The following OPCML variants were observed in gnomAD, a reference collection of about 807,000 sequenced individuals.
OPCML encodes opioid binding protein/cell adhesion molecule like, also known as opioid-binding protein/cell adhesion molecule.
OPCML carries 13 observed loss-of-function variants against 37.8 expected under a neutral mutation model. That is an observed-to-expected ratio of 0.34 (90% CI 0.22 to 0.55). The LOEUF (loss-of-function observed/expected upper bound fraction) is 0.55, where lower values mean the gene tolerates loss of function less well. Ranked by LOEUF, OPCML falls within the 20% of genes least tolerant of loss-of-function variation. The probability of loss-of-function intolerance (pLI) is 0.91; values close to 1 mark genes in which losing one functional copy is unlikely to be tolerated. For missense variants in OPCML, 341 were observed against 435.6 expected, an observed-to-expected ratio of 0.78 and a Z score of 1.93; for synonymous variants, 176 against 168.8, an observed-to-expected ratio of 1.04 and a Z score of -0.33.
intron 4 of OPCML, among the ~76,000 whole-genome samples, chr11:132,480,556 A>T (rs1447998717): frequency 6.6e-6 from 1 of 152,230 alleles, no homozygotes; most frequent in African/African-American, 2.4e-5. Context: ...CAACTCCAAG[A>T]CACATAATTG....
At position 133,241,736 on chromosome 11, in the gene OPCML, C is replaced by T. The variant is rs12222403; in HGVS notation, c.61+290528G>A. Among the ~76,000 whole-genome samples, 77 of 152,324 alleles carry T rather than the reference C, an allele frequency of 5.1e-4. 2 individuals are homozygous for T. In the East Asian group the frequency reaches 0.014, roughly 27 times the overall value. On this transcript the variant is annotated intron_variant, in intron 1 of 7. Transcript: ENST00000524381. ...CAAGATCCGAAGGGAAGAGCATTTG[C>T]ACTCCCCGCCGCCATCAGGAACACA...
intron 1 of OPCML, among the ~76,000 whole-genome samples, chr11:133,214,973 T>G (rs1939522937): frequency 6.6e-6 from 1 of 152,148 alleles, no homozygotes; most frequent in Admixed American, 6.5e-5. Flanking sequence ...AACTCAAACT[T>G]CTATGACATT....
intron 4 of OPCML, among the ~76,000 whole-genome samples, chr11:132,455,140 G>C (rs1370034266): frequency 6.6e-6 from 1 of 152,192 alleles, no homozygotes; most frequent in Non-Finnish European, 1.5e-5. Flanking sequence ...ATTGCAAAAA[G>C]TTTCACAGAG....
intron 2 of OPCML, among the ~76,000 whole-genome samples, chr11:132,667,173 T>C (rs1041204667): frequency 6.6e-6 from 1 of 152,202 alleles, no homozygotes; most frequent in Non-Finnish European, 1.5e-5. Context: ...TCAAAGGGTT[T>C]TTGTTTTGCT....
intron 2 of OPCML, among the ~76,000 whole-genome samples, chr11:132,886,219 T>A (rs1407996485): frequency 2.0e-5 from 3 of 152,254 alleles, no homozygotes; most frequent in Non-Finnish European, 4.4e-5. Flanking sequence ...CTATTTTATT[T>A]TTTATTATAA....
At chr11:132,507,333 T>C (rs566085333) in intron 4 of OPCML, among the ~76,000 whole-genome samples, 4 of 152,002 alleles carry the variant, frequency 2.6e-5, no homozygotes, top group Non-Finnish European at 5.9e-5. Flanking sequence ...AACAGAATTC[T>C]CTCTCAGTCT....
At chr11:132,688,112 G>A (rs902223549) in intron 2 of OPCML, among the ~76,000 whole-genome samples, 1 of 151,648 alleles carries the variant, frequency 6.6e-6, no homozygotes, top group Non-Finnish European at 1.5e-5. Context: ...AGCCCTTTTT[G>A]GATAACAAAA....
At chr11:133,345,818 A>G (rs980635670) in intron 1 of OPCML, among the ~76,000 whole-genome samples, 1 of 152,150 alleles carries the variant, frequency 6.6e-6, no homozygotes, top group Non-Finnish European at 1.5e-5. Flanking sequence ...GACATTTCAC[A>G]CTGTAACATT....
chr11:132,462,143 G>A (rs963210592), intron 4 of OPCML, among the ~76,000 whole-genome samples: 1 of 152,144 alleles, frequency 6.6e-6, no homozygotes, highest in Non-Finnish European at 1.5e-5. Flanking sequence ...GAATAGAATA[G>A]AATAAGTAGC....
chr11:133,114,146 G>A (rs1288657418), intron 1 of OPCML, among the ~76,000 whole-genome samples: 11 of 152,074 alleles, frequency 7.2e-5, no homozygotes, highest in Admixed American at 2.0e-4. Flanking sequence ...AATCTTATGC[G>A]ACAGTCCTGA....
intron 2 of OPCML, among the ~76,000 whole-genome samples, chr11:132,867,543 T>G (rs970234200): frequency 2.6e-5 from 4 of 152,190 alleles, no homozygotes; most frequent in African/African-American, 9.6e-5. Flanking sequence ...TCAGACACAT[T>G]GAATTGATTT....
At chr11:132,964,837 C>T (rs764574226) in intron 1 of OPCML, among the ~76,000 whole-genome samples, 25 of 152,068 alleles carry the variant, frequency 1.6e-4, no homozygotes, top group Non-Finnish European at 2.2e-4. Context: ...AGCTGTTATA[C>T]GCCAATTTTG....
At chr11:132,525,151 T>C (rs1248463280) in intron 4 of OPCML, among the ~76,000 whole-genome samples, 3 of 152,202 alleles carry the variant, frequency 2.0e-5, no homozygotes. Flanking sequence ...GTCTACTTTT[T>C]ATATTTCAGA....
intron 1 of OPCML, among the ~76,000 whole-genome samples, chr11:133,043,226 C>T (rs1197992587): frequency 1.3e-5 from 2 of 152,150 alleles, no homozygotes; most frequent in African/African-American, 2.4e-5. Context: ...GATTGTGGGT[C>T]CAGGTGCAGT....
At chr11:132,893,107 C>T (rs1173917210) in intron 2 of OPCML, among the ~76,000 whole-genome samples, 1 of 152,184 alleles carries the variant, frequency 6.6e-6, no homozygotes, top group East Asian at 1.9e-4. Context: ...TCTTGACTAA[C>T]TACAGTGGGT....
At chr11:133,104,089 C>G (rs1808250539) in intron 1 of OPCML, among the ~76,000 whole-genome samples, 1 of 152,192 alleles carries the variant, frequency 6.6e-6, no homozygotes, top group Non-Finnish European at 1.5e-5. Flanking sequence ...TCAGTCACAG[C>G]CCAGTGGGGC....
At chr11:133,133,610 T>A (rs1049590122) in intron 1 of OPCML, among the ~76,000 whole-genome samples, 2 of 151,918 alleles carry the variant, frequency 1.3e-5, no homozygotes, top group Admixed American at 6.6e-5. Flanking sequence ...GTGTAGTAGC[T>A]CCCCTCTCTT....
intron 1 of OPCML, among the ~76,000 whole-genome samples, chr11:133,401,923 C>A (rs1945412706): frequency 6.6e-6 from 1 of 152,126 alleles, no homozygotes; most frequent in Non-Finnish European, 1.5e-5. Flanking sequence ...AGTGCAGCAG[C>A]CAGGCAAATT....
At chr11:133,223,539 G>A (rs1296652865) in intron 1 of OPCML, among the ~76,000 whole-genome samples, 1 of 152,146 alleles carries the variant, frequency 6.6e-6, no homozygotes, top group Admixed American at 6.5e-5. Flanking sequence ...TATGGGGACG[G>A]GGGTCAGAGG....
Sources: gnomAD v4.1 joint callset for allele counts (sites outside exome capture counted in the v4.1 genomes callset) on GRCh38, gnomAD v4.1.1 for gene constraint, MANE v1.5 for transcripts, NCBI Gene and HGNC (gene_info 2026-07-23, HGNC 2026-07-21) for gene names.